HABP2: variants seen among roughly 807,000 people sequenced by gnomAD.
HABP2 encodes the protein factor VII-activating protease.
HABP2 carries 65 observed loss-of-function variants against 66.5 expected under a neutral mutation model. That is an observed-to-expected ratio of 0.98 (90% CI 0.80 to 1.20). The LOEUF (loss-of-function observed/expected upper bound fraction) is 1.20. Among genes scored for constraint, HABP2 ranks in the 50% most tolerant of loss-of-function variants. The pLI, the probability that HABP2 is intolerant of heterozygous loss-of-function variation, is 0.00. For synonymous variants in HABP2, 263 were observed against 253.9 expected, an observed-to-expected ratio of 1.04 and a Z score of -0.34; for missense variants, 786 against 691.0, an observed-to-expected ratio of 1.14 and a Z score of -1.54.
chr10:113,569,325 T>G (rs1427229867), intron 2 of HABP2, among the ~76,000 whole-genome samples: 1 of 152,004 alleles, frequency 6.6e-6, no homozygotes, highest in Non-Finnish European at 1.5e-5. Context: ...CTCCAGGGAG[T>G]GGGCTGAGTT....
rs576102322 is a variant in HABP2 at position 113,567,484 on chromosome 10, T to G, written c.70-5T>G. ...GCTGATCTGCTGTGTTGTTTTGTTTTTCAGTTCTCCCTGATGTCTTTATTG... is the reference window on the plus strand; with the variant it reads ...GCTGATCTGCTGTGTTGTTTTGTTTGTCAGTTCTCCCTGATGTCTTTATTG... On this transcript the variant is annotated splice_region_variant and splice_polypyrimidine_tract_variant and intron_variant, in intron 1 of 12. Transcript: ENST00000351270. The G allele has an allele frequency of 1.6e-5, 26 of 1,611,682 alleles. No individual in the cohort carries two copies. The highest frequency in any genetic ancestry group is 2.1e-5 in the Non-Finnish European group (25 of 1,177,908).
chr10:113,582,114 T>G lies in HABP2; in HGVS notation c.1077T>G (p.Thr359=), dbSNP rs769768523. 2 of 1,607,128 alleles carry G rather than the reference T, an allele frequency of 1.2e-6. No individual in the cohort carries two copies. Among genetic ancestry groups the G allele is most frequent in the Non-Finnish European group, 1.7e-6 (2 of 1,179,684 alleles). ...TGATCCACCCCTGCTGGGTGCTCAC[T>G]GCTGCCCACTGCACCGAGTAGGTGC... ...GALIHPCWVL[T]AAHCTDIKTR... Residue 359 remains threonine, a synonymous_variant, in exon 9 of 13, where the codon ACT becomes ACG. Coordinates refer to ENST00000351270, the MANE Select transcript of HABP2 (RefSeq NM_004132.5).
At chr10:113,563,909 G>T (rs1026060876) in intron 1 of HABP2, among the ~76,000 whole-genome samples, 1 of 152,220 alleles carries the variant, frequency 6.6e-6, no homozygotes, top group African/African-American at 2.4e-5. Context: ...AAGGCAGGGA[G>T]CAAAGACCAG....
rs1845429326 is a variant in HABP2 at position 113,577,270 on chromosome 10, A to G, written c.448+4A>G. On this transcript the variant is annotated splice_donor_region_variant and intron_variant, in intron 5 of 12. Transcript: ENST00000351270. ...ACAGGTCCCAGCTGCTCCCAAGGTA[A>G]GTGGTGGAGGCCCCTTCGACGCTAG... is the stretch of plus-strand genomic sequence containing the variant. 3 of 1,471,122 alleles carry G rather than the reference A, an allele frequency of 2.0e-6. No individual in the cohort carries two copies. The highest frequency in any genetic ancestry group is 2.3e-5 in the South Asian group (2 of 88,270). The allele number at this position is 1,471,122 out of a possible 1,614,324, so 91.1% of individuals were successfully genotyped here.
intron 3 of HABP2, among the ~76,000 whole-genome samples, chr10:113,575,222 C>A (rs11575680): frequency 6.6e-6 from 1 of 152,196 alleles, no homozygotes; most frequent in Non-Finnish European, 1.5e-5. Flanking sequence ...ATCCTAGTTC[C>A]TGAACCAAAG....
At chr10:113,574,539 GACT>G in intron 3 of HABP2, 134 bp downstream of exon 3, 1 of 590,566 alleles carries the variant, frequency 1.7e-6, no homozygotes, top group South Asian at 2.2e-5. Flanking sequence ...AAATTATTTG[GACT>G]GGCTTTTTTT....
At position 113,585,935 on chromosome 10, in the gene HABP2, C is replaced by T. The variant is rs772252096; in HGVS notation, c.1515C>T (p.Cys505=). Residue 505 remains cysteine (C), a synonymous_variant, in exon 12 of 13, where the codon TGC becomes TGT. Coordinates refer to ENST00000351270, the MANE Select transcript of HABP2 (RefSeq NM_004132.5). ...GNLQKPGQDT[C]QGDSGGPLTC... is the part of the protein sequence containing the mutation. ...TTCAGAAACCTGGGCAAGACACCTG[C>T]CAGGTCAGAGACTCCAAGTGGTGCT... is the stretch of plus-strand genomic sequence containing the variant. 3.1e-6 allele frequency: 5 copies of T among 1,613,424 alleles called. No individual in the cohort carries two copies. In the East Asian group the frequency reaches 6.7e-5, roughly 22 times the overall value.
At position 113,580,689 on chromosome 10, in the gene HABP2, C is replaced by G; in HGVS notation, c.835C>G (p.Gln279Glu). 1 of 1,529,788 alleles carries G rather than the reference C, an allele frequency of 6.5e-7. No individual in the cohort carries two copies. The highest frequency in any genetic ancestry group is 9.1e-7 in the Non-Finnish European group (1 of 1,103,132). 94.8% of individuals were successfully genotyped at this position (1,529,788 alleles called of 1,614,324 possible). A position where few individuals can be genotyped will look rare whatever the true frequency, so the allele number is the denominator to read the frequency against. Reference sequence around the variant, plus strand: ...CTGTGATGTCTCAGCCTGCTCAGCCCAGGGTAAAGGCCATGGCTGTTCAGA... The same window carrying G: ...CTGTGATGTCTCAGCCTGCTCAGCCGAGGGTAAAGGCCATGGCTGTTCAGA... ...EYCDVSACSAQDVAYPEESPT... is the reference protein window; with the variant it reads ...EYCDVSACSAEDVAYPEESPT... The change falls in exon 8 of 13, where the codon CAG becomes GAG. Residue 279 changes from glutamine to glutamate, a missense_variant. Physicochemically the swap from Gln to Glu is conservative, Grantham distance 29. Coordinates refer to ENST00000351270, the MANE Select transcript of HABP2 (RefSeq NM_004132.5).
At chr10:113,564,949 C>A (rs559905388) in intron 1 of HABP2, among the ~76,000 whole-genome samples, 2 of 152,310 alleles carry the variant, frequency 1.3e-5, no homozygotes, top group African/African-American at 4.8e-5. Flanking sequence ...TGGGCTCACC[C>A]CATTCTCCTG....
chr10:113,586,789 T>C (rs1845645141), intron 12 of HABP2, among the ~76,000 whole-genome samples: 1 of 152,138 alleles, frequency 6.6e-6, no homozygotes, highest in Non-Finnish European at 1.5e-5. Context: ...CATGCCAACA[T>C]TCAAATCCCA....
chr10:113,575,047 G>T (rs1228046304), intron 3 of HABP2, among the ~76,000 whole-genome samples: 1 of 131,570 alleles, frequency 7.6e-6, no homozygotes, highest in Non-Finnish European at 1.7e-5. Context: ...GAAGAAGCTG[G>T]GTCCAAGCAA....
intron 2 of HABP2, among the ~76,000 whole-genome samples, chr10:113,569,158 A>T (rs1047446146): frequency 6.6e-6 from 1 of 152,208 alleles, no homozygotes; most frequent in African/African-American, 2.4e-5. Context: ...CCATCACTGG[A>T]GGCTTTTTAA....
chr10:113,553,771 G>A (rs1844941904), intron 1 of HABP2, among the ~76,000 whole-genome samples: 1 of 152,194 alleles, frequency 6.6e-6, no homozygotes, highest in Admixed American at 6.5e-5. Context: ...GTGAGCAGGG[G>A]CCCAAGGGAG....
chr10:113,584,293 C>T lies in HABP2; in HGVS notation c.1372+11C>T. The T allele has an allele frequency of 6.2e-7, 1 of 1,612,650 alleles. No homozygotes were observed. Among genetic ancestry groups the T allele is most frequent in the Non-Finnish European group, 8.5e-7 (1 of 1,178,678 alleles). On this transcript the variant is annotated intron_variant, in intron 11 of 12. Coordinates refer to ENST00000351270, the MANE Select transcript of HABP2 (RefSeq NM_004132.5). ...GTGTTACAGAAACAGGTGAGTCGGCCATGCACTCTCCCATGACTTAGGTGA... is the reference window on the plus strand; with the variant it reads ...GTGTTACAGAAACAGGTGAGTCGGCTATGCACTCTCCCATGACTTAGGTGA...
chr10:113,559,144 C>T (rs1401511059), intron 1 of HABP2, among the ~76,000 whole-genome samples: 2 of 152,184 alleles, frequency 1.3e-5, no homozygotes, highest in Admixed American at 6.5e-5. Flanking sequence ...CGTGAGCCAC[C>T]GTGCCCAGCC....
At chr10:113,569,417 G>C (rs1845261454) in intron 2 of HABP2, among the ~76,000 whole-genome samples, 1 of 152,234 alleles carries the variant, frequency 6.6e-6, no homozygotes, top group South Asian at 2.1e-4. Context: ...TCTCACAGGG[G>C]TTGTGCTTTG....
At chr10:113,567,037 C>T (rs11575664) in intron 1 of HABP2, among the ~76,000 whole-genome samples, 9,825 of 152,236 alleles carry the variant, frequency 0.065, 374 homozygotes, top group Middle Eastern at 0.12. Context: ...GCATGAATTC[C>T]GAATCCTATC....
upstream of HABP2, among the ~76,000 whole-genome samples, chr10:113,552,668 T>C (rs1323553888): frequency 6.6e-6 from 1 of 152,202 alleles, no homozygotes; most frequent in Non-Finnish European, 1.5e-5. Flanking sequence ...AGCCCATCCA[T>C]GCCTTAATTC....
At chr10:113,575,357 T>C (rs950496643) in intron 3 of HABP2, among the ~76,000 whole-genome samples, 1 of 152,220 alleles carries the variant, frequency 6.6e-6, no homozygotes, top group African/African-American at 2.4e-5. Flanking sequence ...TGAAGAAAGA[T>C]GAAGGCCACT....
Sources: allele counts gnomAD v4.1 joint callset (sites outside exome capture counted in the v4.1 genomes callset), GRCh38; gene constraint gnomAD v4.1.1; transcripts MANE v1.5; gene names NCBI Gene and HGNC (gene_info 2026-07-23, HGNC 2026-07-21).